The following OPHN1 variants were observed in gnomAD, a reference collection of about 807,000 sequenced individuals.
OPHN1 encodes oligophrenin-1.
OPHN1 carries 11 observed loss-of-function variants against 60.7 expected under a neutral mutation model. The ratio of observed to expected loss-of-function variants is 0.18; its 90% CI spans 0.11 to 0.30. The LOEUF is 0.30. Among genes scored for constraint, OPHN1 ranks in the 10% least tolerant of loss-of-function variants. The pLI is 1.00. For synonymous variants in OPHN1, 226 were observed against 222.6 expected, an observed-to-expected ratio of 1.02 and a Z score of -0.14; for missense variants, 449 against 611.0, an observed-to-expected ratio of 0.73 and a Z score of 2.80.
chrX:68,253,800 T>G (rs1013678577), intron 5 of OPHN1, among the ~76,000 whole-genome samples: 4 of 111,976 alleles, frequency 3.6e-5, no homozygotes, highest in African/African-American at 1.3e-4. Flanking sequence ...GAAATGCCTC[T>G]AAGATTTCTA....
At chrX:68,205,409 T>C (rs1394664655) in intron 10 of OPHN1, among the ~76,000 whole-genome samples, 6 of 110,587 alleles carry the variant, frequency 5.4e-5, no homozygotes, top group Admixed American at 9.7e-5. Context: ...GATTGTGCCA[T>C]TGCACTCCAG....
At chrX:68,270,945 T>G (rs1327933282) in intron 5 of OPHN1, among the ~76,000 whole-genome samples, 2 of 110,789 alleles carry the variant, frequency 1.8e-5, no homozygotes, top group Non-Finnish European at 3.8e-5. Flanking sequence ...CTCACTGAAC[T>G]TAGTGTCCCC....
intron 2 of OPHN1, among the ~76,000 whole-genome samples, chrX:68,405,016 A>G (rs2078734972): frequency 8.9e-6 from 1 of 112,324 alleles, no homozygotes; most frequent in Non-Finnish European, 1.9e-5. Context: ...TCTACTTAAC[A>G]CTACTGAACT....
intron 10 of OPHN1, among the ~76,000 whole-genome samples, chrX:68,203,289 C>T (rs867617527): frequency 9.0e-6 from 1 of 111,487 alleles, no homozygotes; most frequent in Non-Finnish European, 1.9e-5. Context: ...TATTCCATCT[C>T]TAAGTCTTAA....
intron 5 of OPHN1, among the ~76,000 whole-genome samples, chrX:68,270,399 C>T (rs1322323238): frequency 3.6e-5 from 4 of 110,481 alleles, no homozygotes; most frequent in Non-Finnish European, 7.6e-5. Flanking sequence ...CCATGGAATA[C>T]TATGTAGCCA....
chrX:68,382,631 G>A lies in OPHN1; in HGVS notation c.154+50236C>T, dbSNP rs1008896454. On this transcript the variant is annotated intron_variant, in intron 2 of 24. Coordinates refer to ENST00000355520, the MANE Select transcript of OPHN1 (RefSeq NM_002547.3). ...GATAATGAACTAAGTTTAAGAGTAG[G>A]CCGTCTTCATAATGGGTACAAGGTT... is the stretch of plus-strand genomic sequence containing the variant. 1.1e-4 allele frequency among the ~76,000 whole-genome samples: 12 copies of A among 111,268 alleles called. 1 individual carries two copies. The highest frequency in any genetic ancestry group is 3.9e-4 in the African/African-American group (12 of 30,607).
At chrX:68,230,046 AG>A (rs1400443165) in intron 6 of OPHN1, among the ~76,000 whole-genome samples, 1 of 112,304 alleles carries the variant, frequency 8.9e-6, no homozygotes, top group East Asian at 2.8e-4. Context: ...GAATCTACAA[AG>A]AACTTAAACA....
At chrX:68,365,894 G>A (rs1452401984) in intron 2 of OPHN1, among the ~76,000 whole-genome samples, 13 of 103,063 alleles carry the variant, frequency 1.3e-4, no homozygotes, top group African/African-American at 4.7e-4. Context: ...CTCATGGCAA[G>A]AGAGTGACAT....
chrX:68,176,855 G>A (rs1398033559), intron 15 of OPHN1, among the ~76,000 whole-genome samples: 1 of 110,347 alleles, frequency 9.1e-6, no homozygotes, highest in Non-Finnish European at 1.9e-5. Flanking sequence ...GCTTCTTGAA[G>A]GGATATTTGT....
intron 14 of OPHN1, among the ~76,000 whole-genome samples, chrX:68,193,207 A>G (rs1183865513): frequency 8.9e-6 from 1 of 112,222 alleles, no homozygotes; most frequent in Non-Finnish European, 1.9e-5. Context: ...TCTGAAGAGA[A>G]GAAAACAAAC....
intron 2 of OPHN1, among the ~76,000 whole-genome samples, chrX:68,360,406 G>A (rs781476899): frequency 2.7e-5 from 3 of 110,654 alleles, no homozygotes; most frequent in South Asian, 7.8e-4. Flanking sequence ...TGAACTCCCC[G>A]TGGTGCCTCA....
intron 19 of OPHN1, among the ~76,000 whole-genome samples, chrX:68,076,794 T>C (rs1289128079): frequency 8.9e-6 from 1 of 111,803 alleles, no homozygotes; most frequent in Admixed American, 9.5e-5. Context: ...AATTTTGGTA[T>C]ATATGATGGA....
intron 2 of OPHN1, among the ~76,000 whole-genome samples, chrX:68,333,444 T>C (rs1253522634): frequency 1.8e-5 from 2 of 110,310 alleles, no homozygotes; most frequent in Non-Finnish European, 3.8e-5. Context: ...GAGACCAGCC[T>C]GGACAACATG....
At chrX:68,409,009 T>TA (rs1409595202) in intron 2 of OPHN1, among the ~76,000 whole-genome samples, 1 of 112,547 alleles carries the variant, frequency 8.9e-6, no homozygotes, top group Non-Finnish European at 1.9e-5. Flanking sequence ...GGCTTATAAA[T>TA]AAAAAAATTA....
chrX:68,257,562 T>C (rs1317889357), intron 5 of OPHN1, among the ~76,000 whole-genome samples: 9 of 111,589 alleles, frequency 8.1e-5, no homozygotes, highest in African/African-American at 2.9e-4. Context: ...TAGACCCCAA[T>C]GCATAGCAGG....
intron 15 of OPHN1, among the ~76,000 whole-genome samples, chrX:68,125,930 A>ATATATATATATAT: frequency 4.5e-5 from 1 of 22,262 alleles, no homozygotes; most frequent in East Asian, 1.5e-3. Flanking sequence ...ACCACTGATC[A>ATATATATATATAT]ATATATATAT....
At chrX:68,270,985 A>T (rs1473857110) in intron 5 of OPHN1, among the ~76,000 whole-genome samples, 2 of 111,184 alleles carry the variant, frequency 1.8e-5, no homozygotes, top group South Asian at 3.9e-4. Flanking sequence ...TAACTTTTGC[A>T]AGATTGTTCT....
intron 15 of OPHN1, 66 bp downstream of exon 15, chrX:68,192,853 T>A: frequency 1.1e-6 from 1 of 883,702 alleles, no homozygotes; most frequent in Non-Finnish European, 1.7e-6. Context: ...TCCTTTCTCT[T>A]CCAGTCACAT....
chrX:68,259,276 C>A (rs1193627494), intron 5 of OPHN1, among the ~76,000 whole-genome samples: 1 of 110,707 alleles, frequency 9.0e-6, no homozygotes, highest in Non-Finnish European at 1.9e-5. Context: ...TACAGGGAGA[C>A]CTCATCTCAA....
Sources: allele counts gnomAD v4.1 joint callset (sites outside exome capture counted in the v4.1 genomes callset), GRCh38; gene constraint gnomAD v4.1.1; transcripts MANE v1.5; gene names NCBI Gene and HGNC (gene_info 2026-07-23, HGNC 2026-07-21).